FGF14: variants seen among roughly 807,000 people sequenced by gnomAD.
FGF14 encodes fibroblast growth factor homologous factor 4.
FGF14 carries 5 observed loss-of-function variants against 25.5 expected under a neutral mutation model. The ratio of observed to expected loss-of-function variants is 0.20; its 90% CI spans 0.10 to 0.41. The LOEUF (loss-of-function observed/expected upper bound fraction) is 0.41. FGF14 is among the 10% of genes least tolerant of loss of function. The probability of loss-of-function intolerance (pLI) is 1.00; values close to 1 mark genes in which losing one functional copy is unlikely to be tolerated. For missense variants in FGF14, 222 were observed against 320.1 expected, an observed-to-expected ratio of 0.69 and a Z score of 2.34; for synonymous variants, 138 against 118.3, an observed-to-expected ratio of 1.17 and a Z score of -1.08.
At chr13:102,184,829 A>C (rs1243463717) in intron 1 of FGF14, among the ~76,000 whole-genome samples, 1 of 151,948 alleles carries the variant, frequency 6.6e-6, no homozygotes, top group Non-Finnish European at 1.5e-5. Flanking sequence ...TTGGCCTATT[A>C]ATTCTTCTTA....
intron 1 of FGF14, among the ~76,000 whole-genome samples, chr13:102,105,903 A>G (rs2044884470): frequency 6.6e-6 from 1 of 152,208 alleles, no homozygotes; most frequent in African/African-American, 2.4e-5. Context: ...AATTATTATC[A>G]ATTGCCAACA....
intron 1 of FGF14, among the ~76,000 whole-genome samples, chr13:102,255,334 A>G (rs566971439): frequency 6.6e-5 from 10 of 152,336 alleles, no homozygotes; most frequent in African/African-American, 2.4e-4. Context: ...GCCACAAAAC[A>G]TGAACCAAAA....
intron 1 of FGF14, among the ~76,000 whole-genome samples, chr13:102,092,897 G>A (rs976346226): frequency 2.6e-5 from 4 of 152,100 alleles, no homozygotes; most frequent in Admixed American, 2.6e-4. Flanking sequence ...ATACAGCAAA[G>A]GTTTTATGAA....
intron 1 of FGF14, among the ~76,000 whole-genome samples, chr13:102,182,811 T>C (rs971571174): frequency 6.6e-6 from 1 of 152,144 alleles, no homozygotes; most frequent in Non-Finnish European, 1.5e-5. Flanking sequence ...AGTAGATGGA[T>C]TATAAAGATT....
rs111904815 is a variant in FGF14, at chr13:101,726,073, A to G, written c.607+539T>C. Among the ~76,000 whole-genome samples the G allele has an allele frequency of 1.4e-4, 21 of 152,164 alleles. 1 individual carries two copies. The highest frequency in any genetic ancestry group is 5.1e-4 in the African/African-American group (21 of 41,560). On this transcript the variant is annotated intron_variant, in intron 4 of 4. Coordinates refer to ENST00000376143, the MANE Select transcript of FGF14 (RefSeq NM_004115.4). The stretch of plus-strand genomic sequence containing the variant: ...AATGTATACAGTGAAGAATTACACA[A>G]TTTGAAAGCAGATGTGTAATATCAG...
At chr13:102,282,879 CTTCT>C (rs1242460638) in intron 1 of FGF14, among the ~76,000 whole-genome samples, 3 of 151,598 alleles carry the variant, frequency 2.0e-5, no homozygotes, top group Admixed American at 6.6e-5. Flanking sequence ...ACCTCTCTAG[CTTCT>C]TTATGTCAAT....
chr13:102,292,623 A>G (rs1466329728), intron 1 of FGF14: 1 of 152,222 alleles, frequency 6.6e-6, no homozygotes, highest in African/African-American at 2.4e-5. Context: ...GAAAGTCAGC[A>G]AAACGTTATA....
chr13:102,070,157 A>G (rs2043096405), intron 1 of FGF14, among the ~76,000 whole-genome samples: 1 of 152,254 alleles, frequency 6.6e-6, no homozygotes, highest in Non-Finnish European at 1.5e-5. Flanking sequence ...ACCAGAAGAT[A>G]TAAGGAGCTC....
In FGF14 at chr13:102,130,083, T is replaced by C. The variant is rs543948370; in HGVS notation, c.209-254787A>G. 1.3e-5 allele frequency among the ~76,000 whole-genome samples: 2 copies of C among 152,302 alleles called. 1 individual carries two copies. The highest frequency in any genetic ancestry group is 4.8e-5 in the African/African-American group (2 of 41,566). On this transcript the variant is annotated intron_variant, in intron 1 of 4. Coordinates refer to the FGF14 transcript ENST00000376131. ...TAGAACCTTGAATAGTAGTCCATAC[T>C]AGGAACTCAGTAGTTGTTGGCTAAT... is the stretch of plus-strand genomic sequence containing the variant.
At position 101,715,515 on chromosome 13, in the gene FGF14, T is replaced by G; in HGVS notation, c.*7316A>C. Reference sequence around the variant, plus strand: ...TGATTTATAATAGCATGTTTAAATTTGGCACATTTTGATCATAATCATGAT... The same window carrying G: ...TGATTTATAATAGCATGTTTAAATTGGGCACATTTTGATCATAATCATGAT... On this transcript the variant is annotated 3_prime_UTR_variant, in exon 5 of 5. Coordinates refer to ENST00000376143, the MANE Select transcript of FGF14 (RefSeq NM_004115.4). 1 of 1,263,812 alleles carries G rather than the reference T, an allele frequency of 7.9e-7. No individual in the cohort carries two copies. The highest frequency in any genetic ancestry group is 1.2e-6 in the Non-Finnish European group (1 of 861,298). The allele number at this position is 1,263,812 out of a possible 1,614,324, so 78.3% of individuals were successfully genotyped here. A position where few individuals can be genotyped will look rare whatever the true frequency, so the allele number is the denominator to read the frequency against.
chr13:101,896,030 T>C (rs1290916023), intron 1 of FGF14, among the ~76,000 whole-genome samples: 1 of 152,180 alleles, frequency 6.6e-6, no homozygotes, highest in Non-Finnish European at 1.5e-5. Context: ...TTAACCATAA[T>C]TAAAATTGAT....
intron 3 of FGF14, among the ~76,000 whole-genome samples, chr13:101,760,087 C>T (rs181091766): frequency 1.3e-4 from 20 of 152,228 alleles, no homozygotes; most frequent in African/African-American, 4.8e-4. Context: ...GTACTAGCAA[C>T]TAAAGAGAAA....
intron 3 of FGF14, among the ~76,000 whole-genome samples, chr13:101,782,310 C>T (rs1428716776): frequency 1.3e-5 from 2 of 152,206 alleles, no homozygotes; most frequent in Non-Finnish European, 2.9e-5. Context: ...ACTATTTTCA[C>T]TGCCAATATC....
At chr13:102,091,225 T>C (rs951029889) in intron 1 of FGF14, among the ~76,000 whole-genome samples, 1 of 152,176 alleles carries the variant, frequency 6.6e-6, no homozygotes, top group South Asian at 2.1e-4. Context: ...TATTTACTCT[T>C]TGTCTCTCGG....
intron 3 of FGF14, among the ~76,000 whole-genome samples, chr13:101,782,240 T>A (rs772057870): frequency 1.1e-4 from 16 of 152,244 alleles, no homozygotes; most frequent in Non-Finnish European, 1.9e-4. Context: ...GCCAAATAAT[T>A]GTTATATCCT....
At chr13:102,277,446 G>A (rs750542570) in intron 1 of FGF14, among the ~76,000 whole-genome samples, 8 of 152,196 alleles carry the variant, frequency 5.3e-5, no homozygotes, top group African/African-American at 1.4e-4. Context: ...GCCCCACCGC[G>A]TGCCCACTGG....
intron 1 of FGF14, among the ~76,000 whole-genome samples, chr13:102,349,084 T>G (rs1268007315): frequency 2.0e-5 from 3 of 152,122 alleles, no homozygotes; most frequent in African/African-American, 4.8e-5. Context: ...TAGCACCTAT[T>G]GGGTAGAGGG....
At chr13:101,963,222 G>A (rs764970901) in intron 1 of FGF14, among the ~76,000 whole-genome samples, 6 of 152,326 alleles carry the variant, frequency 3.9e-5, no homozygotes, top group South Asian at 2.1e-4. Flanking sequence ...TCTGACGATT[G>A]CTTCGTGTTT....
intron 1 of FGF14, among the ~76,000 whole-genome samples, chr13:102,379,106 C>G (rs767256201): frequency 4.7e-4 from 72 of 152,072 alleles, no homozygotes; most frequent in Non-Finnish European, 9.7e-4. Context: ...AATCGAAATT[C>G]CAATTTTTAA....
Sources: allele counts gnomAD v4.1 joint callset (sites outside exome capture counted in the v4.1 genomes callset), GRCh38; gene constraint gnomAD v4.1.1; transcripts MANE v1.5; gene names NCBI Gene and HGNC (gene_info 2026-07-23, HGNC 2026-07-21).